Variants in MROH1 observed in about 807,000 individuals in gnomAD.
MROH1 encodes maestro heat-like repeat-containing protein family member 1.
MROH1 carries 117 observed loss-of-function variants against 116.5 expected under a neutral mutation model. The observed-to-expected ratio is 1.00, with a 90% CI of 0.86 to 1.17. MROH1 has a LOEUF of 1.17. Among genes scored for constraint, MROH1 ranks in the 50% most tolerant of loss-of-function variants. The probability of loss-of-function intolerance (pLI) is 0.00; values close to 1 mark genes in which losing one functional copy is unlikely to be tolerated. For missense variants in MROH1, 1,873 were observed against 1,338.5 expected (o/e 1.40, Z -6.23); for synonymous variants, 921 against 583.9 (o/e 1.58, Z -8.32).
intron 12 of MROH1, among the ~76,000 whole-genome samples, chr8:144,205,948 T>C (rs113965014): frequency 0.02 from 3,063 of 152,334 alleles, 88 homozygotes; most frequent in African/African-American, 0.068. Context: ...TTCACCCATA[T>C]GACTACCACT....
At chr8:144,248,793 CGAGCCCCT>C (rs1172893413) in intron 31 of MROH1, 76 bp from the exon 32 acceptor site, 4 of 727,748 alleles carry the variant, frequency 5.5e-6, no homozygotes, top group African/African-American at 5.2e-5. Context: ...CGCCCTAACG[CGAGCCCCT>C]GAGACCCGAT....
chr8:144,207,326 T>G (rs1046251227), intron 12 of MROH1, among the ~76,000 whole-genome samples: 1 of 152,012 alleles, frequency 6.6e-6, no homozygotes, highest in Non-Finnish European at 1.5e-5. Flanking sequence ...TAGCTAGGAC[T>G]ACAGGCGCTC....
chr8:144,258,574 C>T (rs1844367925), intron 35 of MROH1, among the ~76,000 whole-genome samples: 4 of 152,334 alleles, frequency 2.6e-5, no homozygotes, highest in African/African-American at 9.6e-5. Flanking sequence ...ACCTCCAAGC[C>T]AACATCTGCG....
chr8:144,259,871 G>T (rs1588563119), intron 37 of MROH1, 40 bp from the exon 38 acceptor site: 1 of 720,364 alleles, frequency 1.4e-6, no homozygotes. Flanking sequence ...GAGCCCTGGG[G>T]TCAGCGGGGA....
At position 144,239,116 on chromosome 8, in the gene MROH1, C is replaced by T. The variant is rs972139035; in HGVS notation, c.1528C>T (p.His510Tyr). The change falls in exon 16 of 44, where the codon CAT becomes TAT. Residue 510 changes from histidine to tyrosine, a missense_variant. By Grantham distance (83) the His-to-Tyr change is moderately conservative. Transcript: ENST00000326134. ...GACTCCGCTCTGCAGGAGCCTCGTG[C>T]ATCTGGCGCAGAAGAGGCAGGAGGC... ...ALTPLCRSLV[H>Y]LAQKRQEAGA... 3 of 774,378 alleles carry T rather than the reference C, an allele frequency of 3.9e-6. No homozygotes were observed. The African/African-American group carries it at 5.1e-5, about 13-fold the overall frequency. The allele number at this position is 774,378 out of a possible 1,614,324, so 48.0% of individuals were successfully genotyped here.
chr8:144,195,195 T>TCAAAAAA (rs1829542882), intron 10 of MROH1, among the ~76,000 whole-genome samples: 1 of 11,682 alleles, frequency 8.6e-5, no homozygotes, highest in Non-Finnish European at 1.4e-4. Context: ...ACTGTGTCTT[T>TCAAAAAA]AAAAAAAAAA....
At chr8:144,234,498 G>GTTTTTTTTTTTTTTTTGT (rs1839633259) in intron 14 of MROH1, among the ~76,000 whole-genome samples, 1 of 18,090 alleles carries the variant, frequency 5.5e-5, no homozygotes, top group African/African-American at 1.7e-4. Context: ...TTTCTTTTTC[G>GTTTTTTTTTTTTTTTTGT]TTTTTTTTTT....
chr8:144,217,349 G>A (rs145342017), intron 12 of MROH1, among the ~76,000 whole-genome samples: 6 of 152,208 alleles, frequency 3.9e-5, no homozygotes, highest in East Asian at 1.9e-4. Flanking sequence ...ATATGTGTAC[G>A]GTGTATATGA....
chr8:144,210,702 ATCTCTC>A (rs1833918580), intron 12 of MROH1, among the ~76,000 whole-genome samples: 2 of 135,116 alleles, frequency 1.5e-5, no homozygotes, highest in African/African-American at 2.7e-5. Context: ...CTCTCTCTCT[ATCTCTC>A]TATATATATA....
chr8:144,240,735 G>C (rs931469036), intron 20 of MROH1, 58 bp downstream of exon 20: 2 of 706,506 alleles, frequency 2.8e-6, no homozygotes, highest in Non-Finnish European at 5.2e-6. Flanking sequence ...TCTGGGTCTC[G>C]TGTCTGTCAC....
In MROH1 at chr8:144,255,405, G is replaced by A. The variant is rs1000429826; in HGVS notation, c.3595-104G>A. ...GCTGCAGCTGGGATCTGAGACCTCCGAGCACATGATGCAGGCGAAGGGGGA... is the reference window on the plus strand; with the variant it reads ...GCTGCAGCTGGGATCTGAGACCTCCAAGCACATGATGCAGGCGAAGGGGGA... On this transcript the variant is annotated intron_variant, in intron 34 of 43. Coordinates refer to ENST00000326134, the MANE Select transcript of MROH1 (RefSeq NM_032450.3). 0.017 allele frequency: 11,915 copies of A among 696,492 alleles called. 931 individuals are homozygous for A. The African/African-American group carries it at 0.18, about 10-fold the overall frequency. The allele number at this position is 696,492 out of a possible 1,614,324, so 43.1% of individuals were successfully genotyped here. A position where few individuals can be genotyped will look rare whatever the true frequency, so the allele number is the denominator to read the frequency against.
chr8:144,224,070 G>A (rs1186409318), intron 14 of MROH1, among the ~76,000 whole-genome samples: 1 of 152,192 alleles, frequency 6.6e-6, no homozygotes, highest in African/African-American at 2.4e-5. Context: ...TGACCTCAGC[G>A]TCTCCATGGC....
At chr8:144,253,567 G>T (rs1418708024) in intron 33 of MROH1, among the ~76,000 whole-genome samples, 1 of 152,140 alleles carries the variant, frequency 6.6e-6, no homozygotes, top group East Asian at 1.9e-4. Flanking sequence ...GTCCTTGCTG[G>T]CGCGTGCTGT....
intron 14 of MROH1, among the ~76,000 whole-genome samples, chr8:144,227,520 C>G (rs533786066): frequency 6.6e-6 from 1 of 152,142 alleles, no homozygotes; most frequent in African/African-American, 2.4e-5. Context: ...TGGCACATAC[C>G]TGTAGTCCCA....
chr8:144,166,756 C>T (rs1490616570), intron 3 of MROH1, among the ~76,000 whole-genome samples: 1 of 151,884 alleles, frequency 6.6e-6, no homozygotes, highest in Non-Finnish European at 1.5e-5. Flanking sequence ...GAGGTGGGGT[C>T]GAGGGAGGGG....
intron 7 of MROH1, among the ~76,000 whole-genome samples, chr8:144,181,479 C>T (rs1436117214): frequency 6.6e-6 from 1 of 152,184 alleles, no homozygotes; most frequent in African/African-American, 2.4e-5. Context: ...TCACAGGGCT[C>T]CTGCCACCCT....
intron 29 of MROH1, 47 bp downstream of exon 29, chr8:144,245,307 A>G (rs2133028240): frequency 1.3e-6 from 1 of 768,430 alleles, no homozygotes; most frequent in East Asian, 2.4e-5. Context: ...TGTGTTACTC[A>G]TGACCCAGAG....
At position 144,239,323 on chromosome 8, in the gene MROH1, C is replaced by T. The variant is rs1446935334; in HGVS notation, c.1592C>T (p.Ala531Val). ...DAFLIQYDAH[A>V]SLPSPYAVTG... ...GACTATTTCCACCTCTCATCTCCAG[C>T]GAGCCTCCCGTCTCCCTATGCTGTA... The change falls in exon 17 of 44, where the codon GCG (alanine) becomes GTG (valine). Residue 531 changes from alanine to valine, a missense_variant and splice_region_variant. Transcript: ENST00000326134. The T allele has an allele frequency of 1.9e-5, 15 of 780,300 alleles. No homozygotes were observed. In the East Asian group the frequency reaches 2.2e-4, roughly 11 times the overall value. The allele number at this position is 780,300 out of a possible 1,614,324, so 48.3% of individuals were successfully genotyped here.
chr8:144,153,416 C>T (rs1817325739), intron 1 of MROH1, among the ~76,000 whole-genome samples: 1 of 152,024 alleles, frequency 6.6e-6, no homozygotes, highest in Non-Finnish European at 1.5e-5. Context: ...AGTCTGGTCT[C>T]GAACTCCTGA....
Sources: gnomAD v4.1 joint callset for allele counts (sites outside exome capture counted in the v4.1 genomes callset) on GRCh38, gnomAD v4.1.1 for gene constraint, MANE v1.5 for transcripts, NCBI Gene and HGNC (gene_info 2026-07-23, HGNC 2026-07-21) for gene names.